PALM2AKAP2: variants seen among roughly 807,000 people sequenced by gnomAD.
PALM2AKAP2 encodes the protein PALM2-AKAP2 fusion protein.
In PALM2AKAP2, 37 loss-of-function variants were observed where a neutral mutation model predicts 71.5. The ratio of observed to expected loss-of-function variants is 0.52; its 90% CI spans 0.40 to 0.68. The LOEUF (loss-of-function observed/expected upper bound fraction) is 0.68. Among genes scored for constraint, PALM2AKAP2 ranks in the 30% least tolerant of loss-of-function variants. The pLI is 0.00. For missense variants in PALM2AKAP2, 1,224 were observed against 1,191.8 expected, an observed-to-expected ratio of 1.03 and a Z score of -0.40; for synonymous variants, 468 against 478.8, an observed-to-expected ratio of 0.98 and a Z score of 0.29.
At chr9:109,728,787 AGCTG>A (rs1197660819) in intron 1 of PALM2AKAP2, among the ~76,000 whole-genome samples, 5 of 152,156 alleles carry the variant, frequency 3.3e-5, no homozygotes, top group Non-Finnish European at 7.3e-5. Context: ...GGCTCCCATA[AGCTG>A]GCTGGACATG....
Position 110,140,147 on chromosome 9 carries a change from C to T in PALM2AKAP2, c.2569+1608C>T, listed in dbSNP as rs148740030. On this transcript the variant is annotated intron_variant, in intron 2 of 3. Coordinates refer to ENST00000374525, the Ensembl canonical transcript of PALM2AKAP2. The stretch of plus-strand genomic sequence containing the variant: ...CTTATCAAACTTCATTTATTTATGT[C>T]GGTATGATCTCATGGATTCCTGTGA... 1.4e-3 allele frequency among the ~76,000 whole-genome samples: 210 copies of T among 152,286 alleles called. 2 individuals carry two copies. Among genetic ancestry groups the T allele is most frequent in the African/African-American group, 4.9e-3 (205 of 41,560 alleles).
At chr9:109,747,249 T>G (rs1030412235) in intron 1 of PALM2AKAP2, among the ~76,000 whole-genome samples, 1 of 152,200 alleles carries the variant, frequency 6.6e-6, no homozygotes, top group African/African-American at 2.4e-5. Context: ...GTCTTTCAAG[T>G]GGTTTATGTC....
intron 1 of PALM2AKAP2, among the ~76,000 whole-genome samples, chr9:109,721,488 T>C (rs1024749785): frequency 1.3e-4 from 20 of 152,232 alleles, no homozygotes; most frequent in African/African-American, 4.8e-4. Flanking sequence ...TTCTATCTTG[T>C]TATTTCCCCC....
chr9:109,790,025 T>C (rs925869989), intron 1 of PALM2AKAP2, among the ~76,000 whole-genome samples: 3 of 152,218 alleles, frequency 2.0e-5, no homozygotes, highest in Admixed American at 2.0e-4. Flanking sequence ...TAGGATCATA[T>C]AAGTTTAGCT....
intron 3 of PALM2AKAP2, among the ~76,000 whole-genome samples, chr9:109,914,609 C>T (rs376185341): frequency 6.6e-6 from 1 of 152,228 alleles, no homozygotes; most frequent in East Asian, 1.9e-4. Context: ...CACTTGACTG[C>T]TCAACTATGA....
chr9:110,011,406 A>G (rs1219119326), intron 6 of PALM2AKAP2, among the ~76,000 whole-genome samples: 1 of 152,098 alleles, frequency 6.6e-6, no homozygotes, highest in African/African-American at 2.4e-5. Context: ...TTGGTGCTAT[A>G]GTTATAAACC....
At chr9:109,902,316 A>C (rs1009676277) in intron 3 of PALM2AKAP2, among the ~76,000 whole-genome samples, 1 of 152,202 alleles carries the variant, frequency 6.6e-6, no homozygotes, top group Admixed American at 6.5e-5. Context: ...GCACCCTTTC[A>C]TCTTTCTCTC....
chr9:109,929,863 CAAA>C (rs58029417), intron 5 of PALM2AKAP2, among the ~76,000 whole-genome samples: 21 of 69,428 alleles, frequency 3.0e-4, no homozygotes, highest in African/African-American at 7.8e-4. Context: ...GACTCCATTT[CAAA>C]AAAAAAAAAA....
intron 6 of PALM2AKAP2, among the ~76,000 whole-genome samples, chr9:110,003,027 A>G (rs964137741): frequency 1.3e-5 from 2 of 151,966 alleles, no homozygotes; most frequent in Admixed American, 1.3e-4. Context: ...GTGTCTCTAT[A>G]TCCTTCAGTT....
At chr9:110,053,445 T>C (rs1833753584) in intron 1 of PALM2AKAP2, among the ~76,000 whole-genome samples, 1 of 142,228 alleles carries the variant, frequency 7.0e-6, no homozygotes, top group Admixed American at 7.7e-5. Flanking sequence ...GGAGAATTGA[T>C]TGAGCCTGGG....
chr9:109,844,852 C>T (rs1423364785), intron 1 of PALM2AKAP2, among the ~76,000 whole-genome samples: 2 of 152,130 alleles, frequency 1.3e-5, no homozygotes, highest in African/African-American at 4.8e-5. Context: ...GCCATGCTCT[C>T]GTCATACCTC....
intron 1 of PALM2AKAP2, among the ~76,000 whole-genome samples, chr9:109,702,875 G>A (rs528265456): frequency 1.4e-3 from 218 of 150,994 alleles, no homozygotes; most frequent in African/African-American, 5.1e-3. Flanking sequence ...CTGGAGTGCA[G>A]TGCTGTGATC....
intron 3 of PALM2AKAP2, among the ~76,000 whole-genome samples, chr9:109,896,716 C>T (rs188549490): frequency 1.1e-4 from 16 of 152,132 alleles, no homozygotes; most frequent in African/African-American, 2.4e-4. Context: ...GAGGCTGAGG[C>T]GGGAGGATCA....
At chr9:109,772,902 A>C (rs2118770303) in intron 1 of PALM2AKAP2, among the ~76,000 whole-genome samples, 1 of 152,268 alleles carries the variant, frequency 6.6e-6, no homozygotes, top group East Asian at 1.9e-4. Flanking sequence ...GCGGATCACG[A>C]GGTCAGGAGA....
chr9:110,133,038 A>G (rs1835769658), intron 1 of PALM2AKAP2, among the ~76,000 whole-genome samples: 1 of 152,222 alleles, frequency 6.6e-6, no homozygotes, highest in South Asian at 2.1e-4. Context: ...GCAAAAGTAT[A>G]TTGTCAAATT....
chr9:110,037,450 C>A (rs995550372), intron 7 of PALM2AKAP2, among the ~76,000 whole-genome samples: 1 of 152,232 alleles, frequency 6.6e-6, no homozygotes, highest in South Asian at 2.1e-4. Flanking sequence ...AGGTAATCCA[C>A]CCACCTTGGC....
chr9:110,029,573 C>T (rs888320125), intron 7 of PALM2AKAP2, among the ~76,000 whole-genome samples: 1 of 152,198 alleles, frequency 6.6e-6, no homozygotes, highest in Non-Finnish European at 1.5e-5. Flanking sequence ...GAAACTGTCA[C>T]GTGTTGCTGT....
At chr9:109,798,064 A>AG (rs36055717) in intron 1 of PALM2AKAP2, among the ~76,000 whole-genome samples, 27,207 of 152,128 alleles carry the variant, frequency 0.18, 2,837 homozygotes, top group East Asian at 0.34. Flanking sequence ...GAGGGTTGTG[A>AG]GGAAGGATCT....
intron 1 of PALM2AKAP2, among the ~76,000 whole-genome samples, chr9:109,764,725 AATGGATGG>A (rs1211018344): frequency 6.6e-6 from 1 of 151,976 alleles, no homozygotes; most frequent in Non-Finnish European, 1.5e-5. Context: ...TGGATGGATG[AATGGATGG>A]ATGGACGGAT....
Sources: allele counts gnomAD v4.1 joint callset (sites outside exome capture counted in the v4.1 genomes callset), GRCh38; gene constraint gnomAD v4.1.1; transcripts MANE v1.5; gene names NCBI Gene and HGNC (gene_info 2026-07-23, HGNC 2026-07-21).